C10orf67: variants seen among roughly 807,000 people sequenced by gnomAD.
C10orf67 encodes the protein uncharacterized protein C10orf67, mitochondrial.
C10orf67 carries 60 observed loss-of-function variants against 35.6 expected under a neutral mutation model. The observed-to-expected ratio is 1.68, with a 90% confidence interval of 1.37 to 2.09. C10orf67 has a LOEUF of 2.09. C10orf67 is among the 30% of genes most tolerant of loss of function. The probability of loss-of-function intolerance (pLI) is 0.00; values close to 1 mark genes in which losing one functional copy is unlikely to be tolerated. For missense variants in C10orf67, 474 were observed against 330.2 expected (o/e 1.44, Z -3.38); for synonymous variants, 167 against 115.8 (o/e 1.44, Z -2.84).
intron 13 of C10orf67, among the ~76,000 whole-genome samples, chr10:23,233,920 A>C (rs1202378642): frequency 6.6e-6 from 1 of 152,252 alleles, no homozygotes; most frequent in Non-Finnish European, 1.5e-5. Flanking sequence ...ACAAACAAAA[A>C]GAGCAGGATG....
At chr10:23,323,660 C>T (rs920012904) in intron 2 of C10orf67, among the ~76,000 whole-genome samples, 3 of 151,258 alleles carry the variant, frequency 2.0e-5, no homozygotes, top group Non-Finnish European at 2.9e-5. Flanking sequence ...CCTGTAATCC[C>T]AACACTTTGG....
intron 2 of C10orf67, among the ~76,000 whole-genome samples, chr10:23,331,210 GGGAA>G (rs1845449861): frequency 2.0e-4 from 2 of 9,924 alleles, no homozygotes; most frequent in Non-Finnish European, 1.8e-4. Flanking sequence ...GAAGGGAAGA[GGGAA>G]GGGAAGGGAA....
At chr10:23,298,056 C>A (rs1216113190) in intron 5 of C10orf67, among the ~76,000 whole-genome samples, 1 of 152,114 alleles carries the variant, frequency 6.6e-6, no homozygotes, top group Non-Finnish European at 1.5e-5. Flanking sequence ...GAGATCGAGA[C>A]CATCCTGGCG....
intron 2 of C10orf67, among the ~76,000 whole-genome samples, chr10:23,324,160 C>T (rs1204554783): frequency 6.6e-6 from 1 of 151,102 alleles, no homozygotes; most frequent in Non-Finnish European, 1.5e-5. Flanking sequence ...GGTGGGGTGG[C>T]TTCACCATGG....
chr10:23,340,137 G>A (rs1402644786), intron 1 of C10orf67, among the ~76,000 whole-genome samples: 1 of 151,964 alleles, frequency 6.6e-6, no homozygotes, highest in African/African-American at 2.4e-5. Context: ...TTTTTTTCAG[G>A]ATATGATTTA....
intron 15 of C10orf67, among the ~76,000 whole-genome samples, chr10:23,215,918 C>A (rs1841418448): frequency 6.6e-6 from 1 of 152,160 alleles, no homozygotes; most frequent in African/African-American, 2.4e-5. Context: ...GTTATAAAAA[C>A]TTTCAGCGCC....
intron 1 of C10orf67, among the ~76,000 whole-genome samples, chr10:23,342,626 T>A (rs1339012365): frequency 1.3e-5 from 2 of 152,188 alleles, no homozygotes; most frequent in Non-Finnish European, 2.9e-5. Context: ...CAGGACACCA[T>A]TCCTATCAGC....
At chr10:23,208,920 G>A (rs1192129747) in intron 15 of C10orf67, among the ~76,000 whole-genome samples, 1 of 151,952 alleles carries the variant, frequency 6.6e-6, no homozygotes, top group Non-Finnish European at 1.5e-5. Context: ...TGATAGTGAG[G>A]GACATGAGGT....
At chr10:23,233,038 T>A (rs934718284) in intron 13 of C10orf67, among the ~76,000 whole-genome samples, 1 of 152,102 alleles carries the variant, frequency 6.6e-6, no homozygotes, top group African/African-American at 2.4e-5. Context: ...ACACCTGCAG[T>A]CCCAGCTACT....
rs114458150 is a variant in C10orf67 at position 23,257,192 on chromosome 10, A to G, written c.1201-6501T>C. Among the ~76,000 whole-genome samples the G allele has an allele frequency of 5.2e-3, 789 of 152,296 alleles. 7 individuals carry two copies. Among genetic ancestry groups the G allele is most frequent in the African/African-American group, 0.018 (750 of 41,570 alleles). On this transcript the variant is annotated intron_variant, in intron 10 of 15. Transcript: ENST00000636213. Reference sequence around the variant, plus strand: ...GACAGGAAACTCCTGCCCAAGACCAACTTCAGATACAAGGCGAGTGAACTG... The same window carrying G: ...GACAGGAAACTCCTGCCCAAGACCAGCTTCAGATACAAGGCGAGTGAACTG...
chr10:23,335,790 C>A (rs1845655806), intron 1 of C10orf67, among the ~76,000 whole-genome samples: 2 of 152,162 alleles, frequency 1.3e-5, no homozygotes, highest in Admixed American at 1.3e-4. Flanking sequence ...AGCCTCATTT[C>A]TCATTACATA....
At chr10:23,264,502 C>G (rs1207576244) in intron 10 of C10orf67, among the ~76,000 whole-genome samples, 2 of 152,132 alleles carry the variant, frequency 1.3e-5, no homozygotes, top group Admixed American at 6.5e-5. Flanking sequence ...GAAAGATTGT[C>G]ACACAAAGAG....
chr10:23,300,202 G>C (rs192694389), intron 5 of C10orf67, among the ~76,000 whole-genome samples: 67 of 152,204 alleles, frequency 4.4e-4, no homozygotes, highest in African/African-American at 1.6e-3. Flanking sequence ...TGATTCCCTT[G>C]ACATAAGGGG....
At chr10:23,291,973 G>A (rs1843731321) in intron 5 of C10orf67, among the ~76,000 whole-genome samples, 1 of 151,976 alleles carries the variant, frequency 6.6e-6, no homozygotes. Flanking sequence ...AAATCTCTAT[G>A]CAAACAGTGA....
At chr10:23,243,785 A>C (rs1842244287) in intron 12 of C10orf67, among the ~76,000 whole-genome samples, 1 of 152,204 alleles carries the variant, frequency 6.6e-6, no homozygotes, top group Non-Finnish European at 1.5e-5. Context: ...GACCATGAAG[A>C]CATTTTAACA....
chr10:23,266,147 C>G (rs1842877839), intron 10 of C10orf67, 115 bp downstream of exon 10: 1 of 370,302 alleles, frequency 2.7e-6, no homozygotes, highest in Non-Finnish European at 4.6e-6. Flanking sequence ...GCCCCCCACT[C>G]AGGGGGTGAG....
chr10:23,238,380 G>T (rs183224379), intron 13 of C10orf67, among the ~76,000 whole-genome samples: 2 of 152,154 alleles, frequency 1.3e-5, no homozygotes, highest in South Asian at 4.1e-4. Flanking sequence ...CTGTGTGGAC[G>T]TATAGATGAA....
At chr10:23,267,679 T>C (rs1197195406) in intron 8 of C10orf67, among the ~76,000 whole-genome samples, 1 of 151,874 alleles carries the variant, frequency 6.6e-6, no homozygotes, top group Non-Finnish European at 1.5e-5. Flanking sequence ...CTGAGGCAGG[T>C]GTATCACCTG....
intron 4 of C10orf67, among the ~76,000 whole-genome samples, chr10:23,310,328 C>G (rs1015369671): frequency 1.3e-5 from 2 of 152,188 alleles, no homozygotes; most frequent in East Asian, 3.8e-4. Context: ...ACCACTCTGG[C>G]CCCCCTTAGA....
Sources: allele counts gnomAD v4.1 joint callset (sites outside exome capture counted in the v4.1 genomes callset), GRCh38; gene constraint gnomAD v4.1.1; transcripts MANE v1.5; gene names NCBI Gene and HGNC (gene_info 2026-07-23, HGNC 2026-07-21).